Variants in MKX observed in about 807,000 individuals in gnomAD.
MKX encodes the protein mohawk homeobox, also known as homeobox protein Mohawk.
MKX carries 13 observed loss-of-function variants against 36.0 expected under a neutral mutation model. The observed-to-expected ratio is 0.36, with a 90% CI of 0.24 to 0.57. The LOEUF (loss-of-function observed/expected upper bound fraction) is 0.57. Among genes scored for constraint, MKX ranks in the 20% least tolerant of loss-of-function variants. The probability of loss-of-function intolerance (pLI) is 0.79; values close to 1 mark genes in which losing one functional copy is unlikely to be tolerated. For missense variants in MKX, 458 were observed against 456.4 expected (o/e 1.00, Z -0.03); for synonymous variants, 176 against 178.3 (o/e 0.99, Z 0.10).
chr10:27,685,934 T>C (rs1836340260), intron 5 of MKX, among the ~76,000 whole-genome samples: 1 of 152,104 alleles, frequency 6.6e-6, no homozygotes, highest in South Asian at 2.1e-4. Context: ...TCATTCTAAG[T>C]GATATTTGCC....
chr10:27,691,677 T>C (rs1212027077), intron 5 of MKX, among the ~76,000 whole-genome samples: 1 of 152,226 alleles, frequency 6.6e-6, no homozygotes, highest in Admixed American at 6.5e-5. Flanking sequence ...CAGTACCCGA[T>C]AGGCAGCTTT....
At chr10:27,698,577 G>A (rs1836596832) in intron 5 of MKX, among the ~76,000 whole-genome samples, 1 of 152,132 alleles carries the variant, frequency 6.6e-6, no homozygotes, top group South Asian at 2.1e-4. Flanking sequence ...GTCGGCAACG[G>A]CATTGTCTGA....
At chr10:27,730,151 T>G (rs1834591997) in intron 5 of MKX, among the ~76,000 whole-genome samples, 1 of 152,260 alleles carries the variant, frequency 6.6e-6, no homozygotes, top group Admixed American at 6.5e-5. Context: ...TACATTTAGA[T>G]GCAATGACCT....
intron 5 of MKX, among the ~76,000 whole-genome samples, chr10:27,708,182 C>T (rs1318496700): frequency 1.3e-5 from 2 of 152,126 alleles, no homozygotes; most frequent in Non-Finnish European, 2.9e-5. Context: ...GCATTCACAC[C>T]AAACAATCAC....
chr10:27,710,614 GTCTATC>G (rs1836834108), intron 5 of MKX, among the ~76,000 whole-genome samples: 1 of 152,048 alleles, frequency 6.6e-6, no homozygotes, highest in Admixed American at 6.6e-5. Flanking sequence ...TCCATTTCTG[GTCTATC>G]TCTAACTCCA....
chr10:27,735,377 A>G lies in MKX; in HGVS notation c.349-3T>C, dbSNP rs1242812659. ...GCATTAGCAAACCAATTTGACACCT[A>G]AAACAGTATTATTTTTCAATTAACA... is the stretch of plus-strand genomic sequence containing the variant. On this transcript the variant is annotated splice_region_variant and splice_polypyrimidine_tract_variant and intron_variant, in intron 3 of 6. Transcript: ENST00000419761. 6.2e-7 allele frequency: 1 copy of G among 1,601,166 alleles called. No homozygotes were observed. The highest frequency in any genetic ancestry group is 1.4e-5 in the African/African-American group (1 of 74,048).
intron 5 of MKX, among the ~76,000 whole-genome samples, chr10:27,695,810 A>C (rs886713281): frequency 2.0e-5 from 3 of 152,216 alleles, no homozygotes; most frequent in African/African-American, 7.2e-5. Flanking sequence ...GAGTTGGAAA[A>C]AGATGATTAT....
chr10:27,743,300 G>T lies in MKX; in HGVS notation c.116C>A (p.Ala39Asp), dbSNP rs758710349. ...PYSGVLDSPH[A>D]RPEVGIPDGP... ...GTCGGGAATGCCCACCTCGGGGCGG[G>T]CGTGAGGACTGTCCAGGACACCGCT... is the stretch of plus-strand genomic sequence containing the variant. The change falls in exon 2 of 7, where the codon GCC becomes GAC. Residue 39 changes from alanine to aspartate, a missense_variant. Transcript: ENST00000419761. 5.1e-6 allele frequency: 8 copies of T among 1,557,964 alleles called. No individual in the cohort carries two copies. The Admixed American group carries it at 1.4e-4, about 28-fold the overall frequency.
In MKX at chr10:27,742,202, G is replaced by A. The variant is rs766652874; in HGVS notation, c.189-698C>T. Among the ~76,000 whole-genome samples the A allele has an allele frequency of 3.3e-5, 5 of 152,136 alleles. No homozygotes were observed. The highest frequency in any genetic ancestry group is 7.4e-5 in the Non-Finnish European group (5 of 68,022). ...CATCATGTAAGGTAAAAAGACCTCA[G>A]GAAAAGCACATTCAAAGGGGGAGGA... On this transcript the variant is annotated intron_variant, in intron 2 of 6. Coordinates refer to ENST00000419761, the MANE Select transcript of MKX (RefSeq NM_173576.3). The surrounding 1 kb of genome is among the most constrained non-coding windows in gnomAD (Gnocchi z 4.2).
intron 5 of MKX, among the ~76,000 whole-genome samples, chr10:27,677,312 C>G (rs1484596917): frequency 6.6e-6 from 1 of 152,148 alleles, no homozygotes; most frequent in Admixed American, 6.5e-5. Context: ...CGCCCCCTGC[C>G]CCTGCCAACC....
intron 5 of MKX, among the ~76,000 whole-genome samples, chr10:27,732,433 G>A (rs989528324): frequency 6.6e-6 from 1 of 152,094 alleles, no homozygotes; most frequent in African/African-American, 2.4e-5. Flanking sequence ...CCAAACAACT[G>A]TGCATAGTAC....
intron 5 of MKX, among the ~76,000 whole-genome samples, chr10:27,713,763 A>G (rs545883811): frequency 6.6e-6 from 1 of 152,256 alleles, no homozygotes; most frequent in African/African-American, 2.4e-5. Flanking sequence ...CTAATACCAG[A>G]ATAGTAAGTA....
chr10:27,732,709 A>G lies in MKX; in HGVS notation c.838+1747T>C, dbSNP rs182381122. The stretch of plus-strand genomic sequence containing the variant: ...TTCATAAAACTCTGAATTACTTTCA[A>G]GCTCTTCTCTGGTCACAACAGTCAG... On this transcript the variant is annotated intron_variant, in intron 5 of 6. Transcript: ENST00000419761. Among the ~76,000 whole-genome samples the G allele has an allele frequency of 3.5e-3, 534 of 152,210 alleles. 4 individuals are homozygous for G. Among genetic ancestry groups the G allele is most frequent in the Middle Eastern group, 0.02 (6 of 294 alleles).
At chr10:27,711,496 TTCTTTC>T (rs199611373) in intron 5 of MKX, among the ~76,000 whole-genome samples, 6,344 of 89,172 alleles carry the variant, frequency 0.071, 424 homozygotes, top group African/African-American at 0.084. Flanking sequence ...TCTCTCTCTC[TTCTTTC>T]CTTCCTTCCT....
At chr10:27,711,499 TTTCC>T (rs58561142) in intron 5 of MKX, among the ~76,000 whole-genome samples, 2,433 of 92,872 alleles carry the variant, frequency 0.026, 96 homozygotes, top group African/African-American at 0.058. Context: ...CTCTCTCTTC[TTTCC>T]TTCCTTCCTT....
intron 5 of MKX, among the ~76,000 whole-genome samples, chr10:27,682,236 C>T (rs949684502): frequency 2.0e-5 from 3 of 152,130 alleles, no homozygotes; most frequent in Non-Finnish European, 2.9e-5. Flanking sequence ...TATTTTCATA[C>T]AGCTGTCCAA....
At chr10:27,690,607 C>T (rs144843167) in intron 5 of MKX, among the ~76,000 whole-genome samples, 231 of 152,194 alleles carry the variant, frequency 1.5e-3, no homozygotes, top group African/African-American at 5.4e-3. Flanking sequence ...CTACTTCGTA[C>T]GGTTGCTGTG....
At chr10:27,686,354 A>C (rs1049687290) in intron 5 of MKX, among the ~76,000 whole-genome samples, 23 of 148,016 alleles carry the variant, frequency 1.6e-4, no homozygotes, top group African/African-American at 5.7e-4. Context: ...GAAAGAAAGA[A>C]AGAAGGAAAG....
At chr10:27,743,102 C>T in intron 2 of MKX, 126 bp downstream of exon 2, 1 of 891,768 alleles carries the variant, frequency 1.1e-6, no homozygotes, top group Non-Finnish European at 1.6e-6. Context: ...GGCAGACCTG[C>T]ACTCCCAGGG....
Sources: gnomAD v4.1 joint callset for allele counts (sites outside exome capture counted in the v4.1 genomes callset) on GRCh38, gnomAD v4.1.1 for gene constraint, Gnocchi (gnomAD v3.1) non-coding constraint, MANE v1.5 for transcripts, NCBI Gene and HGNC (gene_info 2026-07-23, HGNC 2026-07-21) for gene names.